Variants in ASTN2 observed in about 807,000 individuals in gnomAD.
ASTN2 encodes astrotactin 2.
Under a neutral mutation model 139.8 loss-of-function variants are expected in ASTN2, and 54 were observed. The ratio of observed to expected loss-of-function variants is 0.39; its 90% CI spans 0.31 to 0.48. The LOEUF is 0.48. Ranked by LOEUF, ASTN2 falls within the 20% of genes least tolerant of loss-of-function variation. The probability of loss-of-function intolerance (pLI) is 0.95; values close to 1 mark genes in which losing one functional copy is unlikely to be tolerated. For synonymous variants in ASTN2, 756 were observed against 719.5 expected, an observed-to-expected ratio of 1.05 and a Z score of -0.81; for missense variants, 1,565 against 1,725.1, an observed-to-expected ratio of 0.91 and a Z score of 1.64.
chr9:117,296,288 AAAAAAAAAAAAAAAAG>A (rs1468527202), intron 1 of ASTN2, among the ~76,000 whole-genome samples: 5 of 150,482 alleles, frequency 3.3e-5, no homozygotes, highest in African/African-American at 1.2e-4. Context: ...AAAAAAAAAA[AAAAAAAAAAAAAAAAG>A]AAAGAAAGAA....
At chr9:116,526,760 C>T (rs1342170586) in intron 19 of ASTN2, among the ~76,000 whole-genome samples, 1 of 152,126 alleles carries the variant, frequency 6.6e-6, no homozygotes, top group Non-Finnish European at 1.5e-5. Flanking sequence ...TTTGTTTAAG[C>T]TTCTGATGAG....
At chr9:116,578,002 C>T (rs921423587) in intron 19 of ASTN2, among the ~76,000 whole-genome samples, 1 of 152,018 alleles carries the variant, frequency 6.6e-6, no homozygotes, top group Non-Finnish European at 1.5e-5. Flanking sequence ...ATGTTATAAA[C>T]CACACTAAGA....
At position 116,655,873 on chromosome 9, in the gene ASTN2, T is replaced by TTTG. The variant is rs1554726447; in HGVS notation, c.2807-4083_2807-4081dup. Among the ~76,000 whole-genome samples the TTTG allele has an allele frequency of 6.1e-3, 928 of 151,478 alleles. 11 individuals are homozygous for TTTG. The highest frequency in any genetic ancestry group is 0.021 in the African/African-American group (860 of 41,176). ...ACCTGGCTAATGTTTTCTTGTGTTT[T>TTTG]TTGTTGTTGTTGTTGTTGTTGTTTT... On this transcript the variant is annotated intron_variant, in intron 16 of 22. Coordinates refer to ENST00000313400, the MANE Select transcript of ASTN2 (RefSeq NM_001365068.1).
chr9:117,035,608 A>G (rs1160375797), intron 6 of ASTN2, among the ~76,000 whole-genome samples: 1 of 152,142 alleles, frequency 6.6e-6, no homozygotes, highest in Non-Finnish European at 1.5e-5. Context: ...CAGTTTCTGT[A>G]TCTGCCAAAG....
intron 11 of ASTN2, among the ~76,000 whole-genome samples, chr9:116,839,427 T>C (rs1472936598): frequency 6.6e-6 from 1 of 152,124 alleles, no homozygotes. Flanking sequence ...ATTTGCAGAA[T>C]TGTGCAACCA....
chr9:117,376,122 G>A (rs533342093), intron 1 of ASTN2, among the ~76,000 whole-genome samples: 2 of 152,140 alleles, frequency 1.3e-5, no homozygotes, highest in South Asian at 4.1e-4. Flanking sequence ...ATATTCACAG[G>A]TTAGTAAATT....
At chr9:117,294,177 T>G (rs183360871) in intron 1 of ASTN2, among the ~76,000 whole-genome samples, 1 of 152,252 alleles carries the variant, frequency 6.6e-6, no homozygotes, top group Non-Finnish European at 1.5e-5. Flanking sequence ...CCAGTGGATT[T>G]CCAGTCCATG....
intron 13 of ASTN2, among the ~76,000 whole-genome samples, chr9:116,743,495 T>G (rs1829148701): frequency 6.6e-6 from 1 of 152,092 alleles, no homozygotes; most frequent in Admixed American, 6.5e-5. Context: ...AGGCAGAGCT[T>G]GTAGTGAGCC....
intron 3 of ASTN2, among the ~76,000 whole-genome samples, chr9:117,180,474 A>G (rs948865599): frequency 6.6e-6 from 1 of 152,110 alleles, no homozygotes; most frequent in Non-Finnish European, 1.5e-5. Flanking sequence ...TCTTGAGGGA[A>G]GTTCTCATCC....
intron 4 of ASTN2, among the ~76,000 whole-genome samples, chr9:117,112,261 T>A (rs1829269605): frequency 6.6e-6 from 1 of 152,082 alleles, no homozygotes; most frequent in African/African-American, 2.4e-5. Flanking sequence ...CAAGGTTTTT[T>A]TTTTTGTTTT....
intron 1 of ASTN2, among the ~76,000 whole-genome samples, chr9:117,394,998 TG>T (rs1047549027): frequency 2.0e-5 from 3 of 152,064 alleles, no homozygotes; most frequent in African/African-American, 7.2e-5. Context: ...GGAAAGAGCA[TG>T]GGGGAAATGA....
chr9:117,281,836 G>A (rs1834332854), intron 2 of ASTN2, among the ~76,000 whole-genome samples: 1 of 152,094 alleles, frequency 6.6e-6, no homozygotes, highest in Non-Finnish European at 1.5e-5. Flanking sequence ...CCACAGTGCT[G>A]GGTGCCCCTG....
chr9:116,668,863 C>T (rs751589199), intron 16 of ASTN2, among the ~76,000 whole-genome samples: 4 of 152,092 alleles, frequency 2.6e-5, no homozygotes, highest in Non-Finnish European at 4.4e-5. Flanking sequence ...CTTAGTGTGT[C>T]GGTCAGTGAA....
intron 13 of ASTN2, among the ~76,000 whole-genome samples, chr9:116,761,944 C>T (rs190496426): frequency 6.6e-6 from 1 of 152,270 alleles, no homozygotes; most frequent in Admixed American, 6.5e-5. Flanking sequence ...TTGGAGAGAA[C>T]ACTCTGTGGG....
intron 10 of ASTN2, among the ~76,000 whole-genome samples, chr9:116,974,389 T>C (rs1434476739): frequency 2.6e-5 from 4 of 152,088 alleles, no homozygotes; most frequent in African/African-American, 9.7e-5. Context: ...TGTAAGCATC[T>C]AATTAGTATG....
At chr9:116,764,109 A>G (rs952071715) in intron 13 of ASTN2, among the ~76,000 whole-genome samples, 1 of 152,128 alleles carries the variant, frequency 6.6e-6, no homozygotes, top group South Asian at 2.1e-4. Context: ...GAGAAATCAC[A>G]TGTCTGGGCC....
At chr9:116,685,942 G>T (rs1000966080) in intron 16 of ASTN2, among the ~76,000 whole-genome samples, 5 of 151,592 alleles carry the variant, frequency 3.3e-5, no homozygotes, top group African/African-American at 4.8e-5. Context: ...TTATACTTTG[G>T]GCTGATAACT....
chr9:117,192,000 C>A (rs894806255), intron 3 of ASTN2, among the ~76,000 whole-genome samples: 2 of 152,182 alleles, frequency 1.3e-5, no homozygotes, highest in African/African-American at 4.8e-5. Flanking sequence ...GTTTTGCTAT[C>A]ATGGCAATTA....
At chr9:116,521,256 G>A (rs1050881112) in intron 19 of ASTN2, among the ~76,000 whole-genome samples, 2 of 152,026 alleles carry the variant, frequency 1.3e-5, no homozygotes, top group East Asian at 1.9e-4. Context: ...TATACTATAA[G>A]GCCATGGTCA....
Sources: gnomAD v4.1 joint callset for allele counts (sites outside exome capture counted in the v4.1 genomes callset) on GRCh38, gnomAD v4.1.1 for gene constraint, MANE v1.5 for transcripts, NCBI Gene and HGNC (gene_info 2026-07-23, HGNC 2026-07-21) for gene names.